HUWE1: variants seen among roughly 807,000 people sequenced by gnomAD.
HUWE1 encodes the protein HECT, UBA and WWE domain containing E3 ubiquitin protein ligase 1.
A neutral mutation model predicts 299.4 loss-of-function variants in HUWE1; 18 were observed. That is an observed-to-expected ratio of 0.06 (90% CI 0.04 to 0.09). The LOEUF (loss-of-function observed/expected upper bound fraction) is 0.09, where lower values mean the gene tolerates loss of function less well. Ranked by LOEUF, HUWE1 falls within the 10% of genes least tolerant of loss-of-function variation. HUWE1 has a pLI of 1.00. For missense variants in HUWE1, 1,832 were observed against 3,462.3 expected, an observed-to-expected ratio of 0.53 and a Z score of 11.82; for synonymous variants, 1,317 against 1,286.1, an observed-to-expected ratio of 1.02 and a Z score of -0.51.
Position 53,533,246 on chromosome X carries a change from A to T in HUWE1, c.*63T>A. The T allele has an allele frequency of 1.4e-6, 1 of 698,324 alleles. No individual in the cohort carries two copies. Among genetic ancestry groups the T allele is most frequent in the Non-Finnish European group, 2.2e-6 (1 of 446,875 alleles). 57.5% of individuals were successfully genotyped at this position (698,324 alleles called of 1,213,427 possible). A position where few individuals can be genotyped will look rare whatever the true frequency, so the allele number is the denominator to read the frequency against. On this transcript the variant is annotated 3_prime_UTR_variant, in exon 84 of 84. Coordinates refer to ENST00000262854, the MANE Select transcript of HUWE1 (RefSeq NM_031407.7). Reference sequence around the variant, plus strand: ...ACAATTTCTTTCTGGTTCTTTTTTTAACTCCCCCCTCCCCAGGTCCAACAA... The same window carrying T: ...ACAATTTCTTTCTGGTTCTTTTTTTTACTCCCCCCTCCCCAGGTCCAACAA...
At chrX:53,678,849 A>G (rs2069970030) in intron 3 of HUWE1, among the ~76,000 whole-genome samples, 1 of 112,363 alleles carries the variant, frequency 8.9e-6, no homozygotes, top group Non-Finnish European at 1.9e-5. Context: ...GGTCATTAGG[A>G]AACACTAGCT....
At chrX:53,626,807 C>G (rs1465704382) in intron 17 of HUWE1, among the ~76,000 whole-genome samples, 1 of 111,626 alleles carries the variant, frequency 9.0e-6, no homozygotes, top group Non-Finnish European at 1.9e-5. Context: ...GCCGGGACCA[C>G]AGGTGCATGC....
Position 53,619,184 on chromosome X carries a change from C to T in HUWE1, c.1673-1738G>A, listed in dbSNP as rs183084872. Among the ~76,000 whole-genome samples the T allele has an allele frequency of 3.0e-4, 33 of 111,038 alleles. No homozygotes were observed. The East Asian group carries it at 3.6e-3, about 12-fold the overall frequency. Reference sequence around the variant, plus strand: ...GGAATGGCAGATATATAGCAGTTACCGGGGACCAACAGTTTTCAATGGCCT... The same window carrying T: ...GGAATGGCAGATATATAGCAGTTACTGGGGACCAACAGTTTTCAATGGCCT... On this transcript the variant is annotated intron_variant, in intron 19 of 83. Coordinates refer to ENST00000262854, the MANE Select transcript of HUWE1 (RefSeq NM_031407.7).
At chrX:53,539,437 T>G (rs1055979766) in intron 75 of HUWE1, among the ~76,000 whole-genome samples, 1 of 109,890 alleles carries the variant, frequency 9.1e-6, no homozygotes, top group African/African-American at 3.3e-5. Flanking sequence ...TAACCAGTTA[T>G]AAAGATTCCC....
At chrX:53,637,737 T>C (rs1192605509) in intron 7 of HUWE1, among the ~76,000 whole-genome samples, 4 of 112,106 alleles carry the variant, frequency 3.6e-5, no homozygotes, top group Admixed American at 9.5e-5. Flanking sequence ...TTATATGAAA[T>C]ATAAAGAAAT....
intron 46 of HUWE1, 64 bp from the exon 47 acceptor site, chrX:53,574,028 G>A (rs956267793): frequency 2.8e-5 from 28 of 985,959 alleles, no homozygotes; most frequent in Admixed American, 4.4e-5. Flanking sequence ...TCAAGTCTTA[G>A]GTGGAAAAGA....
In HUWE1 at chrX:53,552,478, T is replaced by A. The variant is rs782019643; in HGVS notation, c.8751-37A>T. On this transcript the variant is annotated intron_variant, in intron 62 of 83. Transcript: ENST00000262854. The stretch of plus-strand genomic sequence containing the variant: ...CATGCTCAGGTTGCTGTCTGTATTA[T>A]GTCTTCTCGTTTATAAAACACTGCT... 5 of 1,207,391 alleles carry A rather than the reference T, an allele frequency of 4.1e-6. No homozygotes were observed. The African/African-American group carries it at 8.7e-5, about 21-fold the overall frequency.
intron 8 of HUWE1, 64 bp downstream of exon 8, chrX:53,634,172 A>T (rs2067053136): frequency 1.2e-6 from 1 of 862,208 alleles, no homozygotes; most frequent in African/African-American, 2.0e-5. Flanking sequence ...TTCATTGTAA[A>T]GTAAGGTTCA....
chrX:53,653,566 T>C (rs782401401), intron 4 of HUWE1, among the ~76,000 whole-genome samples: 1 of 111,732 alleles, frequency 8.9e-6, no homozygotes, highest in South Asian at 3.8e-4. Flanking sequence ...CGACAAAGGG[T>C]TAATTGATAT....
chrX:53,680,454 T>C (rs890860925), intron 2 of HUWE1: 7 of 147,978 alleles, frequency 4.7e-5, no homozygotes, highest in Non-Finnish European at 9.1e-5. Flanking sequence ...AGACAGTTTA[T>C]TTTTTAGACA....
intron 81 of HUWE1, among the ~76,000 whole-genome samples, 168 bp downstream of exon 81, chrX:53,535,216 T>TG (rs2060982493): frequency 8.9e-6 from 1 of 112,273 alleles, no homozygotes; most frequent in African/African-American, 3.2e-5. Flanking sequence ...ATTATAGGTG[T>TG]GAGCCACCGT....
intron 77 of HUWE1, among the ~76,000 whole-genome samples, chrX:53,537,953 T>A (rs1442345740): frequency 9.0e-6 from 1 of 111,495 alleles, no homozygotes; most frequent in Non-Finnish European, 1.9e-5. Context: ...CAGGTAAGCA[T>A]GTATACATGC....
intron 14 of HUWE1, 23 bp from the exon 15 acceptor site, chrX:53,628,643 G>A (rs1196715884): frequency 8.4e-7 from 1 of 1,189,882 alleles, no homozygotes; most frequent in Non-Finnish European, 1.1e-6. Context: ...TGGGGAGAGG[G>A]AGAACAAAAA....
At chrX:53,589,472 T>C in intron 36 of HUWE1, 75 bp downstream of exon 36, 4 of 1,000,976 alleles carry the variant, frequency 4.0e-6, no homozygotes, top group Non-Finnish European at 4.3e-6. Flanking sequence ...ATGCTGATTT[T>C]TCAGAAATCA....
intron 6 of HUWE1, among the ~76,000 whole-genome samples, chrX:53,645,818 C>G (rs1264854279): frequency 2.1e-5 from 2 of 97,114 alleles, no homozygotes; most frequent in African/African-American, 7.7e-5. Context: ...CCCCAAGGAG[C>G]TTAAAATCTG....
chrX:53,651,523 A>G (rs1420207986), intron 4 of HUWE1, among the ~76,000 whole-genome samples: 1 of 112,068 alleles, frequency 8.9e-6, no homozygotes, highest in African/African-American at 3.2e-5. Flanking sequence ...AACCATCTCT[A>G]GTATTACAAT....
chrX:53,536,769 C>T, intron 78 of HUWE1, 102 bp from the exon 79 acceptor site: 2 of 740,150 alleles, frequency 2.7e-6, no homozygotes, highest in Non-Finnish European at 4.1e-6. Flanking sequence ...CTGGGGAGTG[C>T]AGTGTCAGAT....
At chrX:53,631,539 C>A (rs782093171) in intron 10 of HUWE1, 28 bp downstream of exon 10, 5 of 1,186,819 alleles carry the variant, frequency 4.2e-6, no homozygotes, top group Non-Finnish European at 5.7e-6. Context: ...CATTAAGAAA[C>A]GAGCCAAGAG....
intron 4 of HUWE1, among the ~76,000 whole-genome samples, chrX:53,650,392 C>A (rs2068377315): frequency 8.9e-6 from 1 of 111,971 alleles, no homozygotes. Context: ...CCTCAAGCTT[C>A]CACAAGGTTT....
Sources: allele counts gnomAD v4.1 joint callset (sites outside exome capture counted in the v4.1 genomes callset), GRCh38; gene constraint gnomAD v4.1.1; transcripts MANE v1.5; gene names NCBI Gene and HGNC (gene_info 2026-07-23, HGNC 2026-07-21).